Variants in UEVLD observed in about 807,000 individuals in gnomAD.
The protein encoded by UEVLD is ubiquitin-conjugating enzyme E2 variant 3.
A neutral mutation model predicts 58.6 loss-of-function variants in UEVLD; 47 were observed. The ratio of observed to expected loss-of-function variants is 0.80; its 90% CI spans 0.63 to 1.02. The LOEUF (loss-of-function observed/expected upper bound fraction) is 1.02, where lower values mean the gene tolerates loss of function less well. UEVLD is among the 50% of genes least tolerant of loss of function. The probability of loss-of-function intolerance (pLI) is 0.00; values close to 1 mark genes in which losing one functional copy is unlikely to be tolerated. For synonymous variants in UEVLD, 197 were observed against 195.3 expected (o/e 1.01, Z -0.07); for missense variants, 510 against 550.6 (o/e 0.93, Z 0.74).
intron 1 of UEVLD, among the ~76,000 whole-genome samples, chr11:18,583,258 T>C (rs1228086076): frequency 6.7e-6 from 1 of 148,736 alleles, no homozygotes; most frequent in African/African-American, 2.5e-5. Context: ...TTCACTCTTG[T>C]TGCCCAGGCT....
At chr11:18,549,760 C>G (rs1469934355) in intron 7 of UEVLD, among the ~76,000 whole-genome samples, 1 of 151,906 alleles carries the variant, frequency 6.6e-6, no homozygotes, top group East Asian at 1.9e-4. Context: ...TTCCTACTCC[C>G]AAAGATTTTC....
At chr11:18,560,768 T>A (rs1851994544) in intron 6 of UEVLD, among the ~76,000 whole-genome samples, 3 of 152,144 alleles carry the variant, frequency 2.0e-5, no homozygotes, top group Admixed American at 2.0e-4. Flanking sequence ...CTGAGCACTT[T>A]GGGAAACCAA....
chr11:18,575,339 A>C lies in UEVLD; in HGVS notation c.193+8T>G. ...AAACTCACACATTTTTTCAACTTCC[A>C]CACTTACCCTGATACATCACAGGAA... On this transcript the variant is annotated splice_region_variant and intron_variant, in intron 3 of 11. Transcript: ENST00000396197. 6.3e-7 allele frequency: 1 copy of C among 1,597,356 alleles called. No individual in the cohort carries two copies. Among genetic ancestry groups the C allele is most frequent in the Non-Finnish European group, 8.5e-7 (1 of 1,175,788 alleles).
intron 8 of UEVLD, among the ~76,000 whole-genome samples, chr11:18,545,075 T>TG (rs60959151): frequency 8.5e-6 from 1 of 117,228 alleles, no homozygotes; most frequent in African/African-American, 3.6e-5. Flanking sequence ...TATATCTATA[T>TG]TTTTTTTTTT....
intron 11 of UEVLD, 135 bp downstream of exon 11, chr11:18,534,195 C>G (rs73422533): frequency 6.4e-6 from 4 of 627,640 alleles, no homozygotes. Context: ...ACTAAACTGC[C>G]TTCTCCTACC....
intron 1 of UEVLD, among the ~76,000 whole-genome samples, chr11:18,585,919 G>A (rs1179731775): frequency 2.0e-5 from 3 of 152,194 alleles, no homozygotes; most frequent in East Asian, 1.9e-4. Context: ...AGAGGCGTAA[G>A]CCACCACACC....
Position 18,568,459 on chromosome 11 carries a change from G to A in UEVLD, c.357+1755C>T, listed in dbSNP as rs563689559. On this transcript the variant is annotated intron_variant, in intron 4 of 11. Transcript: ENST00000396197. ...ACAATTCAAAAAGGAAGAAACGTACGATTGATAAGTAAATGAAAATGATTT... is the reference window on the plus strand; with the variant it reads ...ACAATTCAAAAAGGAAGAAACGTACAATTGATAAGTAAATGAAAATGATTT... 1.6e-3 allele frequency among the ~76,000 whole-genome samples: 242 copies of A among 152,256 alleles called. 1 individual carries two copies. Among genetic ancestry groups the A allele is most frequent in the African/African-American group, 5.3e-3 (220 of 41,556 alleles).
chr11:18,541,399 G>A (rs1851047103), intron 9 of UEVLD, among the ~76,000 whole-genome samples: 1 of 152,196 alleles, frequency 6.6e-6, no homozygotes, highest in African/African-American at 2.4e-5. Flanking sequence ...AATATTTCTG[G>A]AAGATTATAA....
chr11:18,546,555 T>C (rs1851310259), intron 8 of UEVLD, among the ~76,000 whole-genome samples: 1 of 151,796 alleles, frequency 6.6e-6, no homozygotes, highest in Admixed American at 6.6e-5. Context: ...TGGGGTTCAG[T>C]GACACCATCT....
intron 1 of UEVLD, among the ~76,000 whole-genome samples, chr11:18,579,722 A>G (rs996933638): frequency 5.3e-5 from 8 of 152,250 alleles, no homozygotes; most frequent in Non-Finnish European, 1.2e-4. Flanking sequence ...GCAAAAATAA[A>G]TAATACTTAC....
At chr11:18,553,325 C>CAA (rs546653858) in intron 7 of UEVLD, among the ~76,000 whole-genome samples, 4 of 97,688 alleles carry the variant, frequency 4.1e-5, no homozygotes, top group African/African-American at 1.2e-4. Flanking sequence ...GACTCTGTCT[C>CAA]AAAAAAAAAA....
At chr11:18,534,705 A>T (rs1398881772) in intron 10 of UEVLD, among the ~76,000 whole-genome samples, 1 of 152,256 alleles carries the variant, frequency 6.6e-6, no homozygotes, top group Non-Finnish European at 1.5e-5. Flanking sequence ...TATTTAACCA[A>T]TATGAATTAA....
chr11:18,544,388 A>G (rs186923308), intron 9 of UEVLD, among the ~76,000 whole-genome samples: 74 of 152,322 alleles, frequency 4.9e-4, no homozygotes, highest in African/African-American at 1.7e-3. Flanking sequence ...GGCTCACTGC[A>G]GCCTTGACCT....
chr11:18,560,940 G>A (rs1018294023), intron 6 of UEVLD, among the ~76,000 whole-genome samples: 13 of 152,150 alleles, frequency 8.5e-5, no homozygotes, highest in African/African-American at 3.1e-4. Context: ...GAAGCCGGGA[G>A]GTGGAGGTTG....
intron 2 of UEVLD, 117 bp downstream of exon 2, chr11:18,578,607 T>C (rs1389730465): frequency 1.4e-6 from 1 of 720,980 alleles, no homozygotes; most frequent in Non-Finnish European, 2.4e-6. Flanking sequence ...TCATAAAGTA[T>C]AGCTGAAAAT....
chr11:18,550,738 T>C (rs1851488738), intron 7 of UEVLD, among the ~76,000 whole-genome samples: 1 of 152,240 alleles, frequency 6.6e-6, no homozygotes, highest in African/African-American at 2.4e-5. Flanking sequence ...TGCATGTGTC[T>C]TTTTATCTAA....
intron 11 of UEVLD, among the ~76,000 whole-genome samples, chr11:18,533,062 C>CTTTTTTTTTTT (rs530237376): frequency 7.5e-6 from 1 of 133,972 alleles, no homozygotes. Context: ...CTTTTCTTTT[C>CTTTTTTTTTTT]TTTTTTTTTT....
intron 4 of UEVLD, among the ~76,000 whole-genome samples, chr11:18,568,218 TA>T (rs1438705586): frequency 6.6e-6 from 1 of 152,154 alleles, no homozygotes; most frequent in Non-Finnish European, 1.5e-5. Context: ...CTGTCTAAAC[TA>T]AAATTAAACA....
At chr11:18,574,250 C>T (rs546576884) in intron 3 of UEVLD, among the ~76,000 whole-genome samples, 1 of 152,202 alleles carries the variant, frequency 6.6e-6, no homozygotes, top group South Asian at 2.1e-4. Context: ...CAAGAGATTC[C>T]CCTGCCTCAG....
Sources: allele counts gnomAD v4.1 joint callset (sites outside exome capture counted in the v4.1 genomes callset), GRCh38; gene constraint gnomAD v4.1.1; transcripts MANE v1.5; gene names NCBI Gene and HGNC (gene_info 2026-07-23, HGNC 2026-07-21).